ADGRV1: variants seen among roughly 807,000 people sequenced by gnomAD.
ADGRV1 encodes adhesion G protein-coupled receptor V1, also known as G-protein coupled receptor 98.
ADGRV1 carries 359 observed loss-of-function variants against 596.2 expected under a neutral mutation model. That is an observed-to-expected ratio of 0.60 (90% confidence interval 0.55 to 0.66). The LOEUF (loss-of-function observed/expected upper bound fraction) is 0.66. ADGRV1 is among the 30% of genes least tolerant of loss of function. The pLI is 0.00. For missense variants in ADGRV1, 7,274 were observed against 7,575.6 expected, an observed-to-expected ratio of 0.96 and a Z score of 1.48; for synonymous variants, 2,681 against 2,679.2, an observed-to-expected ratio of 1.00 and a Z score of -0.02.
intron 82 of ADGRV1, among the ~76,000 whole-genome samples, chr5:90,860,970 G>C (rs1767495573): frequency 6.6e-6 from 1 of 152,096 alleles, no homozygotes; most frequent in Admixed American, 6.5e-5. Flanking sequence ...ATAAACATAT[G>C]TAATGTATAT....
In ADGRV1 at chr5:90,708,806, A is replaced by AT. The variant is rs765695795; in HGVS notation, c.8731-4dup. On this transcript the variant is annotated splice_polypyrimidine_tract_variant and intron_variant, in intron 38 of 89. Coordinates refer to ENST00000405460, the MANE Select transcript of ADGRV1 (RefSeq NM_032119.4). ...TAACTAAAGGAATTTAATGAGTGTAATTTTTTCAGGATGATGTACCAGAGC... is the reference window on the plus strand; with the variant it reads ...TAACTAAAGGAATTTAATGAGTGTAATTTTTTTCAGGATGATGTACCAGAGC... 1.9e-6 allele frequency: 3 copies of AT among 1,585,056 alleles called. No homozygotes were observed. The highest frequency in any genetic ancestry group is 2.6e-6 in the Non-Finnish European group (3 of 1,155,842).
At chr5:91,146,582 A>G (rs1795551660) in intron 87 of ADGRV1, among the ~76,000 whole-genome samples, 1 of 152,200 alleles carries the variant, frequency 6.6e-6, no homozygotes, top group Non-Finnish European at 1.5e-5. Flanking sequence ...TCTATTTTCA[A>G]ATGAGATAAG....
intron 60 of ADGRV1, among the ~76,000 whole-genome samples, chr5:90,776,090 G>A (rs1053672394): frequency 6.6e-6 from 1 of 152,088 alleles, no homozygotes; most frequent in Non-Finnish European, 1.5e-5. Context: ...TTGCCATATA[G>A]CCAGTTGACA....
At chr5:91,082,048 G>A (rs1456468837) in intron 86 of ADGRV1, among the ~76,000 whole-genome samples, 2 of 152,190 alleles carry the variant, frequency 1.3e-5, no homozygotes, top group African/African-American at 4.8e-5. Context: ...TCAGTAAGGT[G>A]TTAGTGGAAG....
At chr5:90,586,627 G>A (rs1033716060) in intron 1 of ADGRV1, among the ~76,000 whole-genome samples, 6 of 152,164 alleles carry the variant, frequency 3.9e-5, no homozygotes, top group African/African-American at 1.4e-4. Context: ...ATTAGATTTA[G>A]GTTCTGCTTT....
intron 1 of ADGRV1, among the ~76,000 whole-genome samples, chr5:90,573,376 A>G (rs993624807): frequency 1.3e-5 from 2 of 152,144 alleles, no homozygotes; most frequent in African/African-American, 4.8e-5. Flanking sequence ...TCATCATGCA[A>G]ACATCATAGA....
At chr5:90,804,066 A>G (rs1761669596) in intron 71 of ADGRV1, among the ~76,000 whole-genome samples, 1 of 152,174 alleles carries the variant, frequency 6.6e-6, no homozygotes, top group South Asian at 2.1e-4. Flanking sequence ...CTAGTCATGT[A>G]GCAAGAATGA....
At chr5:90,625,290 A>G in intron 6 of ADGRV1, 47 bp downstream of exon 6, 2 of 1,192,184 alleles carry the variant, frequency 1.7e-6, no homozygotes, top group East Asian at 2.4e-5. Context: ...TCTGTGTTGC[A>G]GGACACAGTC....
intron 87 of ADGRV1, among the ~76,000 whole-genome samples, chr5:91,112,332 G>GT (rs367786515): frequency 1.7e-4 from 26 of 151,904 alleles, no homozygotes; most frequent in African/African-American, 5.8e-4. Context: ...AATCTTTTAG[G>GT]TTTTTTTCCT....
Position 90,620,676 on chromosome 5 carries a change from C to T in ADGRV1, c.453+1495C>T, listed in dbSNP as rs1394156599. Among the ~76,000 whole-genome samples, 3 of 152,034 alleles carry T rather than the reference C, an allele frequency of 2.0e-5. No individual in the cohort carries two copies. The South Asian group carries it at 6.2e-4, about 32-fold the overall frequency. ...TTTAGACATGAAGTCCTTGCCCATG[C>T]CTATGTCCTGAATGGTATTGCCTAG... is the stretch of plus-strand genomic sequence containing the variant. On this transcript the variant is annotated intron_variant, in intron 4 of 89. Coordinates refer to ENST00000405460, the MANE Select transcript of ADGRV1 (RefSeq NM_032119.4).
intron 58 of ADGRV1, chr5:90,762,656 T>G (rs960902521): frequency 1.8e-4 from 27 of 152,196 alleles, no homozygotes; most frequent in Non-Finnish European, 2.9e-5. Context: ...GTATTGAATC[T>G]CCTCTCTTTA....
chr5:90,564,578 A>G (rs187807556), intron 1 of ADGRV1, among the ~76,000 whole-genome samples: 183 of 152,158 alleles, frequency 1.2e-3, no homozygotes, highest in Non-Finnish European at 2.3e-3. Flanking sequence ...ATGAAAAACA[A>G]TCACCTTTCA....
chr5:90,868,066 A>G (rs530385124), intron 83 of ADGRV1, among the ~76,000 whole-genome samples: 6 of 152,130 alleles, frequency 3.9e-5, no homozygotes, highest in Non-Finnish European at 7.4e-5. Context: ...CTAAACTTCA[A>G]TGCAGGCATC....
chr5:90,985,577 C>T lies in ADGRV1; in HGVS notation c.18152+55C>T, dbSNP rs562447118. 9.8e-5 allele frequency: 135 copies of T among 1,383,710 alleles called. 1 individual carries two copies. The African/African-American group carries it at 1.7e-3, about 17-fold the overall frequency. The allele number at this position is 1,383,710 out of a possible 1,614,324, so 85.7% of individuals were successfully genotyped here. A position where few individuals can be genotyped will look rare whatever the true frequency, so the allele number is the denominator to read the frequency against. On this transcript the variant is annotated intron_variant, in intron 85 of 89. Coordinates refer to ENST00000405460, the MANE Select transcript of ADGRV1 (RefSeq NM_032119.4). Reference sequence around the variant, plus strand: ...AGCTTTCATGTACCTAAGCAGATTTCGTTGCCATAAGAGCTGTGATTGAAT... The same window carrying T: ...AGCTTTCATGTACCTAAGCAGATTTTGTTGCCATAAGAGCTGTGATTGAAT...
chr5:90,558,901 G>T lies in ADGRV1; in HGVS notation c.6G>T (p.Ser2=), dbSNP rs556739703. The stretch of plus-strand genomic sequence containing the variant: ...GGACCGCCGGGAGCGCGCGGATGTC[G>T]GTGTTCCTGGGGCCAGGTAGGCTAT... M[S]VFLGPGMPSA... is the part of the protein sequence containing the mutation. The change falls in exon 1 of 90, where the codon TCG becomes TCT. Residue 2 remains serine, a synonymous_variant. Coordinates refer to ENST00000405460, the MANE Select transcript of ADGRV1 (RefSeq NM_032119.4). The T allele has an allele frequency of 1.7e-5, 26 of 1,559,590 alleles. No individual in the cohort carries two copies. The African/African-American group carries it at 3.2e-4, about 19-fold the overall frequency.
chr5:90,757,033 C>T lies in ADGRV1; in HGVS notation c.11812C>T (p.Gln3938Ter). 1 of 1,613,794 alleles carries T rather than the reference C, an allele frequency of 6.2e-7. No homozygotes were observed. Among genetic ancestry groups the T allele is most frequent in the Non-Finnish European group, 8.5e-7 (1 of 1,179,756 alleles). ...GGTGCCTCCACCCTTGAACGTTCTT[C>T]AAGTTCCTGTAGTCCGGCTGGCTGG... ...YEVPPPLNVL[Q>*]VPVVRLAGSF... The change falls in exon 57 of 90, where the codon CAA becomes TAA. Residue 3938 changes from glutamine (Q) to a stop codon, truncating the protein, a stop_gained. Coordinates refer to ENST00000405460, the MANE Select transcript of ADGRV1 (RefSeq NM_032119.4). LOFTEE classifies it high-confidence loss of function.
intron 48 of ADGRV1, among the ~76,000 whole-genome samples, chr5:90,727,101 T>C (rs4916689): frequency 0.19 from 28,115 of 151,838 alleles, 2,875 homozygotes; most frequent in East Asian, 0.31. Context: ...TTTTTATTAG[T>C]GGGGGGGATG....
At chr5:90,818,980 A>G (rs1332935143) in intron 75 of ADGRV1, among the ~76,000 whole-genome samples, 2 of 152,044 alleles carry the variant, frequency 1.3e-5, no homozygotes, top group Admixed American at 6.6e-5. Flanking sequence ...GAATAGTTTC[A>G]GAAGGAATGG....
At chr5:91,009,676 G>GT (rs1019090641) in intron 85 of ADGRV1, among the ~76,000 whole-genome samples, 5 of 151,778 alleles carry the variant, frequency 3.3e-5, no homozygotes, top group African/African-American at 2.4e-5. Flanking sequence ...TTCCATGTAA[G>GT]TTTTTTTTCT....
Sources: gnomAD v4.1 joint callset for allele counts (sites outside exome capture counted in the v4.1 genomes callset) on GRCh38, gnomAD v4.1.1 for gene constraint, MANE v1.5 for transcripts, NCBI Gene and HGNC (gene_info 2026-07-23, HGNC 2026-07-21) for gene names.